Variants in PLCE1 observed in about 807,000 individuals in gnomAD.
PLCE1 encodes the protein phospholipase C epsilon 1.
In PLCE1, 119 loss-of-function variants were observed where a neutral mutation model predicts 242.8. The observed-to-expected ratio is 0.49, with a 90% CI of 0.42 to 0.57. The LOEUF is 0.57. Among genes scored for constraint, PLCE1 ranks in the 20% least tolerant of loss-of-function variants. PLCE1 has a pLI of 0.00. For synonymous variants in PLCE1, 945 were observed against 1,017.4 expected, an observed-to-expected ratio of 0.93 and a Z score of 1.35; for missense variants, 2,441 against 2,788.8, an observed-to-expected ratio of 0.88 and a Z score of 2.81.
intron 2 of PLCE1, 27 bp from the exon 3 acceptor site, chr10:94,132,147 A>G (rs376109359): frequency 8.7e-6 from 14 of 1,609,362 alleles, no homozygotes; most frequent in Non-Finnish European, 1.2e-5. Flanking sequence ...CTAGATTAAT[A>G]CTTCCTGTAC....
rs368956195 is a variant in PLCE1, at chr10:94,258,824, C to T, written c.3579C>T (p.His1193=). 373 of 1,613,884 alleles carry T rather than the reference C, an allele frequency of 2.3e-4. No individual in the cohort carries two copies. Among genetic ancestry groups the T allele is most frequent in the Non-Finnish European group, 2.9e-4 (345 of 1,179,952 alleles). ...GTGCTTGGAGCAGTAGTAGCTGGCA[C>T]GGGCGGATCAAAGGCGGCATGAAGG... ...PSSAWSSSSW[H]GRIKGGMKGF... is the part of the protein sequence containing the mutation. Residue 1193 remains histidine, a synonymous_variant, in exon 12 of 33, where the codon CAC becomes CAT. Transcript: ENST00000371380.
chr10:94,189,791 G>A (rs531072319), intron 4 of PLCE1, among the ~76,000 whole-genome samples: 6 of 152,244 alleles, frequency 3.9e-5, no homozygotes, highest in African/African-American at 9.6e-5. Flanking sequence ...CGTGGCTTTC[G>A]GAATAAGTGG....
intron 6 of PLCE1, among the ~76,000 whole-genome samples, chr10:94,235,099 C>CAG (rs1356493758): frequency 1.3e-5 from 2 of 151,476 alleles, no homozygotes; most frequent in African/African-American, 4.9e-5. Flanking sequence ...CACACACACA[C>CAG]AGAGTCATGT....
At chr10:94,153,803 A>T (rs1188167248) in intron 3 of PLCE1, among the ~76,000 whole-genome samples, 2 of 152,226 alleles carry the variant, frequency 1.3e-5, no homozygotes, top group African/African-American at 4.8e-5. Context: ...AATACTTAGG[A>T]ATAAATTTAA....
intron 11 of PLCE1, among the ~76,000 whole-genome samples, chr10:94,255,910 A>ACTCT (rs2051061927): frequency 2.2e-5 from 2 of 91,968 alleles, no homozygotes; most frequent in Non-Finnish European, 2.3e-5. Flanking sequence ...ACACACACAC[A>ACTCT]CACACTCTCT....
chr10:94,087,349 CAAA>C (rs57482986), intron 2 of PLCE1, among the ~76,000 whole-genome samples: 5 of 67,502 alleles, frequency 7.4e-5, no homozygotes, highest in Admixed American at 1.7e-4. Context: ...GACCCTGTCT[CAAA>C]AAAAAAAAAA....
Position 94,259,157 on chromosome 10 carries a change from T to G in PLCE1, c.3814+7T>G. ...GATCTTCAGCCTGACCTAGGTTTGT[T>G]GAACATTTTAGGATTTCCCTTTGGG... On this transcript the variant is annotated splice_region_variant and intron_variant, in intron 13 of 32. Coordinates refer to ENST00000371380, the MANE Select transcript of PLCE1 (RefSeq NM_016341.4). 1.2e-6 allele frequency: 2 copies of G among 1,614,078 alleles called. No individual in the cohort carries two copies. The highest frequency in any genetic ancestry group is 1.7e-6 in the Non-Finnish European group (2 of 1,179,902).
chr10:94,192,708 G>A (rs554490774), intron 4 of PLCE1, among the ~76,000 whole-genome samples: 2 of 152,172 alleles, frequency 1.3e-5, no homozygotes, highest in African/African-American at 4.8e-5. Context: ...CAATGAGATT[G>A]CTGGGTCGAA....
chr10:94,067,545 G>A (rs2044233757), intron 2 of PLCE1, among the ~76,000 whole-genome samples: 1 of 152,202 alleles, frequency 6.6e-6, no homozygotes, highest in Non-Finnish European at 1.5e-5. Context: ...TGGACAATAT[G>A]AAGAGAGTTT....
At chr10:94,271,529 T>C (rs2051737201) in intron 18 of PLCE1, among the ~76,000 whole-genome samples, 2 of 151,936 alleles carry the variant, frequency 1.3e-5, no homozygotes, top group African/African-American at 4.8e-5. Flanking sequence ...TTAGCCAGGA[T>C]GGTCTCGAAC....
At chr10:94,184,628 C>T (rs1399273297) in intron 4 of PLCE1, among the ~76,000 whole-genome samples, 2 of 152,190 alleles carry the variant, frequency 1.3e-5, no homozygotes, top group Non-Finnish European at 2.9e-5. Flanking sequence ...CCACGCCCGG[C>T]CCTCCAACCT....
intron 16 of PLCE1, among the ~76,000 whole-genome samples, chr10:94,268,499 T>G (rs1236924895): frequency 2.0e-5 from 3 of 152,232 alleles, no homozygotes; most frequent in Non-Finnish European, 4.4e-5. Flanking sequence ...TGGCTTGCTG[T>G]AAATGTTTAG....
intron 2 of PLCE1, among the ~76,000 whole-genome samples, chr10:94,065,443 T>C (rs577065651): frequency 5.3e-5 from 8 of 152,308 alleles, no homozygotes; most frequent in African/African-American, 1.9e-4. Context: ...GTGCAAAACC[T>C]TATGCTGTTG....
chr10:94,089,233 C>T (rs2044964796), intron 2 of PLCE1: 7 of 1,613,984 alleles, frequency 4.3e-6, no homozygotes, highest in Non-Finnish European at 8.5e-7. Flanking sequence ...CAGAGAGCCC[C>T]AGGAGAGGGA....
intron 2 of PLCE1, among the ~76,000 whole-genome samples, chr10:94,128,345 A>T (rs2046496161): frequency 1.3e-5 from 2 of 152,096 alleles, no homozygotes; most frequent in Admixed American, 6.6e-5. Context: ...GTTTGTCCAC[A>T]CTTCAGCATT....
intron 4 of PLCE1, among the ~76,000 whole-genome samples, chr10:94,180,278 G>C (rs1275418694): frequency 1.3e-5 from 2 of 152,262 alleles, no homozygotes; most frequent in Admixed American, 6.5e-5. Context: ...TGACCTGTTT[G>C]TTGATTTTAA....
At chr10:94,324,669 G>A in intron 31 of PLCE1, 102 bp downstream of exon 31, 1 of 1,086,144 alleles carries the variant, frequency 9.2e-7, no homozygotes, top group African/African-American at 1.5e-5. Context: ...GAAAGTTCCT[G>A]AGTCAAGGAA....
intron 2 of PLCE1, among the ~76,000 whole-genome samples, chr10:94,065,994 T>G (rs2044184623): frequency 6.6e-6 from 1 of 152,136 alleles, no homozygotes; most frequent in Non-Finnish European, 1.5e-5. Flanking sequence ...TTTGTCAGTG[T>G]CCTCTCTTTA....
intron 2 of PLCE1, among the ~76,000 whole-genome samples, chr10:94,085,918 AAAT>A (rs1194225853): frequency 6.6e-6 from 1 of 152,222 alleles, no homozygotes; most frequent in African/African-American, 2.4e-5. Flanking sequence ...AGATGTGGCC[AAAT>A]AATAATACAA....
Sources: gnomAD v4.1 joint callset for allele counts (sites outside exome capture counted in the v4.1 genomes callset) on GRCh38, gnomAD v4.1.1 for gene constraint, MANE v1.5 for transcripts, NCBI Gene and HGNC (gene_info 2026-07-23, HGNC 2026-07-21) for gene names.